Variants in ACSS2 observed in about 807,000 individuals in gnomAD.
The protein encoded by ACSS2 is acyl-CoA synthetase short chain family member 2, also known as acetyl-coenzyme A synthetase, cytoplasmic.
Under a neutral mutation model 90.6 loss-of-function variants are expected in ACSS2, and 58 were observed. That is an observed-to-expected ratio of 0.64 (90% CI 0.52 to 0.80). The LOEUF (loss-of-function observed/expected upper bound fraction) is 0.80, where lower values mean the gene tolerates loss of function less well. Among genes scored for constraint, ACSS2 ranks in the 30% least tolerant of loss-of-function variants. The probability of loss-of-function intolerance (pLI) is 0.00; values close to 1 mark genes in which losing one functional copy is unlikely to be tolerated. For synonymous variants in ACSS2, 300 were observed against 330.9 expected (o/e 0.91, Z 1.01); for missense variants, 759 against 912.0 (o/e 0.83, Z 2.16).
chr20:34,882,935 T>C lies in ACSS2; in HGVS notation c.320T>C (p.Val107Ala). Residue 107 changes from valine (V) to alanine (A), a missense_variant, in exon 2 of 18, where the codon GTA becomes GCA. Val to Ala is a moderately conservative substitution (Grantham distance 64, BLOSUM62 0). Transcript: ENST00000360596. ...KGATTNICYNVLDRNVHEKKL... is the reference protein window; with the variant it reads ...KGATTNICYNALDRNVHEKKL... ...GCAACTACCAACATCTGCTACAATG[T>C]ACTGGATCGAAATGTCCATGAGAAA... 1 of 1,613,080 alleles carries C rather than the reference T, an allele frequency of 6.2e-7. No homozygotes were observed. The highest frequency in any genetic ancestry group is 8.5e-7 in the Non-Finnish European group (1 of 1,179,712).
In ACSS2 at chr20:34,882,964, C is replaced by T; in HGVS notation, c.349C>T (p.Leu117Phe). 1 of 1,603,772 alleles carries T rather than the reference C, an allele frequency of 6.2e-7. No homozygotes were observed. The highest frequency in any genetic ancestry group is 8.5e-7 in the Non-Finnish European group (1 of 1,177,204). ...VLDRNVHEKK[L>F]GDKVAFYWEG... ...GGATCGAAATGTCCATGAGAAAAAGCTTGGAGATAAAGTTGCTTTTTACTG... is the reference window on the plus strand; with the variant it reads ...GGATCGAAATGTCCATGAGAAAAAGTTTGGAGATAAAGTTGCTTTTTACTG... The change falls in exon 2 of 18, where the codon CTT (leucine) becomes TTT (phenylalanine). Residue 117 changes from leucine (L) to phenylalanine (F), a missense_variant. Physicochemically the swap from Leu to Phe is conservative, Grantham distance 22. Transcript: ENST00000360596.
At chr20:34,898,743 G>A (rs2080536373) in intron 2 of ACSS2, among the ~76,000 whole-genome samples, 1 of 152,226 alleles carries the variant, frequency 6.6e-6, no homozygotes, top group South Asian at 2.1e-4. Flanking sequence ...GCTTCACCCA[G>A]TGGATCCCGC....
At chr20:34,916,973 A>G (rs1004828358) in intron 7 of ACSS2, among the ~76,000 whole-genome samples, 3 of 152,196 alleles carry the variant, frequency 2.0e-5, no homozygotes, top group African/African-American at 7.2e-5. Context: ...ATAGGCACAC[A>G]CCTAATTCAC....
chr20:34,921,039 C>T lies in ACSS2; in HGVS notation c.1177C>T (p.Arg393Cys), dbSNP rs759408653. ...EGIPTYPDVNRLWSIVDKYKV... is the reference protein window; with the variant it reads ...EGIPTYPDVNCLWSIVDKYKV... ...GATTCCCACATATCCGGACGTGAAC[C>T]GCCTGTGGAGCATTGTGGACAAATA... is the stretch of plus-strand genomic sequence containing the variant. The change falls in exon 10 of 18, where the codon CGC (arginine) becomes TGC (cysteine). Residue 393 changes from arginine (R) to cysteine (C), a missense_variant. Arg to Cys is a radical substitution (Grantham distance 180). Transcript: ENST00000360596. 3.1e-6 allele frequency: 5 copies of T among 1,614,074 alleles called. No homozygotes were observed. Among genetic ancestry groups the T allele is most frequent in the Admixed American group, 1.7e-5 (1 of 60,016 alleles).
Position 34,927,101 on chromosome 20 carries a change from C to G in ACSS2, c.1993C>G (p.Arg665Gly). Residue 665 changes from arginine (R) to glycine (G), a missense_variant, in exon 18 of 18, where the codon CGA (arginine) becomes GGA (glycine). Transcript: ENST00000360596. The surrounding 1 kb of genome is among the most constrained non-coding windows in gnomAD (Gnocchi z 4.2). ...PKTRSGKIMR[R>G]VLRKIAQNDH... The stretch of plus-strand genomic sequence containing the variant: ...TGGTTCCCCAGGGAAAATCATGAGG[C>G]GAGTGCTTCGGAAGATTGCTCAGAA... 1 of 1,614,102 alleles carries G rather than the reference C, an allele frequency of 6.2e-7. No homozygotes were observed. Among genetic ancestry groups the G allele is most frequent in the Non-Finnish European group, 8.5e-7 (1 of 1,180,026 alleles).
chr20:34,879,541 C>A (rs200756055), intron 1 of ACSS2, among the ~76,000 whole-genome samples: 172 of 136,376 alleles, frequency 1.3e-3, no homozygotes, highest in African/African-American at 2.7e-3. Context: ...CTACCCCCCC[C>A]AAAAAAACCC....
At chr20:34,915,092 G>A (rs1202706667) in intron 7 of ACSS2, 2 of 1,033,874 alleles carry the variant, frequency 1.9e-6, no homozygotes, top group Non-Finnish European at 3.0e-6. Context: ...ATCAGGATCA[G>A]GAAAATGGAA....
Position 34,921,023 on chromosome 20 carries a change from A to G in ACSS2, c.1161A>G (p.Thr387=), listed in dbSNP as rs10485507. 24,173 of 1,614,044 alleles carry G rather than the reference A, an allele frequency of 0.015. 3,212 individuals are homozygous for G. The African/African-American group carries it at 0.29, about 19-fold the overall frequency. Residue 387 remains threonine (T), a synonymous_variant, in exon 10 of 18, where the codon ACA becomes ACG. Coordinates refer to ENST00000360596, the MANE Select transcript of ACSS2 (RefSeq NM_018677.4). ...ATSVLFEGIP[T]YPDVNRLWSI... is the part of the protein sequence containing the mutation. ...TGGGTCAGTTTGAGGGGATTCCCAC[A>G]TATCCGGACGTGAACCGCCTGTGGA... is the stretch of plus-strand genomic sequence containing the variant.
intron 1 of ACSS2, among the ~76,000 whole-genome samples, chr20:34,877,929 T>TAGATAGATAGAC: frequency 6.7e-6 from 1 of 150,128 alleles, no homozygotes; most frequent in Non-Finnish European, 1.5e-5. Context: ...GATAGATAGA[T>TAGATAGATAGAC]AGATAGATAG....
intron 13 of ACSS2, chr20:34,922,772 C>G (rs188440152): frequency 6.4e-6 from 1 of 155,116 alleles, no homozygotes; most frequent in Admixed American, 6.3e-5. Context: ...CAACCCCACC[C>G]CATTTCACTT....
Position 34,923,437 on chromosome 20 carries a change from C to T in ACSS2, c.1657+6C>T. On this transcript the variant is annotated splice_donor_region_variant and intron_variant, in intron 14 of 17. Coordinates refer to ENST00000360596, the MANE Select transcript of ACSS2 (RefSeq NM_018677.4). ...ATACTATGTTACAGGAGATGGTGAGCCTTAGCTATCCCCCTCTTGCACCTC... is the reference window on the plus strand; with the variant it reads ...ATACTATGTTACAGGAGATGGTGAGTCTTAGCTATCCCCCTCTTGCACCTC... The T allele has an allele frequency of 6.2e-7, 1 of 1,601,834 alleles. No individual in the cohort carries two copies.
intron 2 of ACSS2, chr20:34,909,017 A>G: frequency 2.5e-6 from 1 of 405,666 alleles, no homozygotes; most frequent in East Asian, 7.6e-5. Flanking sequence ...GTACATACAA[A>G]TAGTGGAATA....
In ACSS2 at chr20:34,882,720, T is replaced by C. The variant is rs2080096135; in HGVS notation, c.179-74T>C. The C allele has an allele frequency of 4.8e-6, 7 of 1,451,376 alleles. No individual in the cohort carries two copies. The Admixed American group carries it at 1.3e-4, about 27-fold the overall frequency. The allele number at this position is 1,451,376 out of a possible 1,614,324, so 89.9% of individuals were successfully genotyped here. ...GGAAGTTATAATTTGGTCCTGTGTATAGACTGGTAAGCCTTCTGAGGCTAA... is the reference window on the plus strand; with the variant it reads ...GGAAGTTATAATTTGGTCCTGTGTACAGACTGGTAAGCCTTCTGAGGCTAA... On this transcript the variant is annotated intron_variant, in intron 1 of 17. Transcript: ENST00000360596.
intron 2 of ACSS2, among the ~76,000 whole-genome samples, chr20:34,907,447 C>A (rs2080836708): frequency 6.6e-6 from 1 of 152,202 alleles, no homozygotes; most frequent in South Asian, 2.1e-4. Flanking sequence ...TGAAGGGGCA[C>A]ACTGTGCACA....
At chr20:34,877,970 G>C (rs926968714) in intron 1 of ACSS2, among the ~76,000 whole-genome samples, 5 of 144,528 alleles carry the variant, frequency 3.5e-5, no homozygotes, top group African/African-American at 1.3e-4. Flanking sequence ...GTGTTGCTCT[G>C]TCACCCATGC....
At chr20:34,884,241 G>A (rs1275778778) in intron 2 of ACSS2, among the ~76,000 whole-genome samples, 3 of 152,218 alleles carry the variant, frequency 2.0e-5, no homozygotes, top group African/African-American at 7.2e-5. Context: ...ATTAGTGTGA[G>A]CCACCATGTC....
intron 5 of ACSS2, 117 bp from the exon 6 acceptor site, chr20:34,913,979 C>T (rs548695378): frequency 3.5e-5 from 48 of 1,388,020 alleles, no homozygotes; most frequent in East Asian, 1.2e-4. Flanking sequence ...TCTGTCAGCT[C>T]GAATCAGCTG....
chr20:34,899,430 C>CT (rs1568977289), intron 2 of ACSS2, among the ~76,000 whole-genome samples: 6 of 88,776 alleles, frequency 6.8e-5, no homozygotes, highest in East Asian at 2.8e-4. Flanking sequence ...TTCTTTCCTT[C>CT]CTTCCTTCCT....
intron 2 of ACSS2, among the ~76,000 whole-genome samples, chr20:34,884,198 G>A (rs1345254068): frequency 2.6e-5 from 4 of 152,158 alleles, no homozygotes; most frequent in African/African-American, 7.2e-5. Flanking sequence ...GAACTCAAGC[G>A]ATCCACCTGT....
Sources: gnomAD v4.1 joint callset for allele counts (sites outside exome capture counted in the v4.1 genomes callset) on GRCh38, gnomAD v4.1.1 for gene constraint, Gnocchi (gnomAD v3.1) non-coding constraint, MANE v1.5 for transcripts, NCBI Gene and HGNC (gene_info 2026-07-23, HGNC 2026-07-21) for gene names.